Variants in RNASEH2B observed in about 807,000 individuals in gnomAD.
RNASEH2B encodes ribonuclease H2 subunit B, also known as Aicardi-Goutieres syndrome 2 protein.
Under a neutral mutation model 45.0 loss-of-function variants are expected in RNASEH2B, and 36 were observed. The ratio of observed to expected loss-of-function variants is 0.80; its 90% CI spans 0.61 to 1.06. The LOEUF is 1.06. Among genes scored for constraint, RNASEH2B ranks in the 50% least tolerant of loss-of-function variants. RNASEH2B has a pLI of 0.00. For missense variants in RNASEH2B, 361 were observed against 360.3 expected (o/e 1.00, Z -0.02); for synonymous variants, 119 against 125.7 (o/e 0.95, Z 0.35).
At chr13:50,910,162 G>T in intron 1 of RNASEH2B, 22 bp downstream of exon 1, 1 of 1,422,820 alleles carries the variant, frequency 7.0e-7, no homozygotes. Context: ...CGCCCGGGCG[G>T]CGGGGTCGGC....
At position 50,933,331 on chromosome 13, in the gene RNASEH2B, C is replaced by T. The variant is rs372468621; in HGVS notation, c.322-1554C>T. Among the ~76,000 whole-genome samples, 11 of 152,306 alleles carry T rather than the reference C, an allele frequency of 7.2e-5. No homozygotes were observed. In the South Asian group the frequency reaches 1.0e-3, roughly 14 times the overall value. On this transcript the variant is annotated intron_variant, in intron 4 of 10. Coordinates refer to ENST00000336617, the MANE Select transcript of RNASEH2B (RefSeq NM_024570.4). ...TCTGGGCACCTCCAGGGTGCTATGGCGAGCTCACGTTGACAAGTGCAGAAT... is the reference window on the plus strand; with the variant it reads ...TCTGGGCACCTCCAGGGTGCTATGGTGAGCTCACGTTGACAAGTGCAGAAT...
chr13:50,954,003 T>C lies in RNASEH2B; in HGVS notation c.822+18T>C. 1 of 1,507,426 alleles carries C rather than the reference T, an allele frequency of 6.6e-7. No individual in the cohort carries two copies. Among genetic ancestry groups the C allele is most frequent in the Non-Finnish European group, 9.2e-7 (1 of 1,083,220 alleles). The allele number at this position is 1,507,426 out of a possible 1,614,324, so 93.4% of individuals were successfully genotyped here. A position where few individuals can be genotyped will look rare whatever the true frequency, so the allele number is the denominator to read the frequency against. ...CTGAAAAGGTATGTGGGTTCAGGTG[T>C]AGTGGTGTTTCGTTCATACTCAGTG... On this transcript the variant is annotated intron_variant, in intron 10 of 10. Coordinates refer to ENST00000336617, the MANE Select transcript of RNASEH2B (RefSeq NM_024570.4).
At chr13:50,962,566 ATGTTGGTCATCTG>A (rs1443717100) in intron 9 of RNASEH2B, among the ~76,000 whole-genome samples, 2 of 152,062 alleles carry the variant, frequency 1.3e-5, no homozygotes, top group South Asian at 2.1e-4. Context: ...TTCATACCTG[ATGTTGGTCATCTG>A]TGTCTTCTTT....
chr13:50,966,843 T>G lies in RNASEH2B; in HGVS notation c.742-3089T>G, dbSNP rs139471114. ...CTGTTTTCTTACTAAATGTACAGTGTTGTTTATATTGTATGCAAACTTCTG... is the reference window on the plus strand; with the variant it reads ...CTGTTTTCTTACTAAATGTACAGTGGTGTTTATATTGTATGCAAACTTCTG... On this transcript the variant is annotated intron_variant, in intron 9 of 9. Transcript: ENST00000422660. Among the ~76,000 whole-genome samples, 1,046 of 152,346 alleles carry G rather than the reference T, an allele frequency of 6.9e-3. 14 individuals are homozygous for G. Among genetic ancestry groups the G allele is most frequent in the African/African-American group, 0.024 (988 of 41,586 alleles).
At chr13:50,913,623 G>A (rs1046796731) in intron 1 of RNASEH2B, among the ~76,000 whole-genome samples, 3 of 152,086 alleles carry the variant, frequency 2.0e-5, no homozygotes, top group African/African-American at 7.2e-5. Flanking sequence ...ACCTCAACTC[G>A]AATTTTCAGT....
downstream of RNASEH2B, chr13:50,959,957 G>A (rs1016463212): frequency 8.4e-5 from 28 of 331,442 alleles, no homozygotes; most frequent in African/African-American, 5.9e-4. Flanking sequence ...CTTACTTTGG[G>A]AAAACAAACA....
chr13:50,934,974 A>T lies in RNASEH2B; in HGVS notation c.411A>T (p.Leu137Phe). ...TGAAACTTCCTGGACTTGAGAAGTTACTTCATCATGTGACAGAGGAAAAAG... is the reference window on the plus strand; with the variant it reads ...TGAAACTTCCTGGACTTGAGAAGTTTCTTCATCATGTGACAGAGGAAAAAG... ...LLLKLPGLEK[L>F]LHHVTEEKGN... The change falls in exon 5 of 11, where the codon TTA (leucine) becomes TTT (phenylalanine). Residue 137 changes from leucine to phenylalanine, a missense_variant. Coordinates refer to ENST00000336617, the MANE Select transcript of RNASEH2B (RefSeq NM_024570.4). The T allele has an allele frequency of 6.2e-7, 1 of 1,612,692 alleles. No homozygotes were observed. The highest frequency in any genetic ancestry group is 8.5e-7 in the Non-Finnish European group (1 of 1,178,700).
At chr13:50,916,060 T>A in intron 1 of RNASEH2B, among the ~76,000 whole-genome samples, 1 of 151,398 alleles carries the variant, frequency 6.6e-6, no homozygotes, top group Admixed American at 6.6e-5. Flanking sequence ...AATAATAATA[T>A]TTACCCAGTA....
chr13:50,929,614 T>G (rs777020973), intron 3 of RNASEH2B, 32 bp downstream of exon 3: 28 of 1,319,194 alleles, frequency 2.1e-5, no homozygotes, highest in Admixed American at 8.5e-5. Context: ...TTCCAATAAC[T>G]AAACACATAC....
At chr13:50,933,488 C>T (rs1006726401) in intron 4 of RNASEH2B, among the ~76,000 whole-genome samples, 2 of 152,236 alleles carry the variant, frequency 1.3e-5, no homozygotes, top group African/African-American at 4.8e-5. Context: ...TCCTTCTCTA[C>T]ATTTTAGACA....
chr13:50,916,285 T>G (rs1180120954), intron 1 of RNASEH2B, among the ~76,000 whole-genome samples: 1 of 152,146 alleles, frequency 6.6e-6, no homozygotes, highest in East Asian at 1.9e-4. Flanking sequence ...AATGTAACAC[T>G]AAAACACTCA....
At chr13:50,930,551 T>C in intron 3 of RNASEH2B, 132 bp from the exon 4 acceptor site, 1 of 750,292 alleles carries the variant, frequency 1.3e-6, no homozygotes, top group Non-Finnish European at 2.4e-6. Context: ...CTGAGGCCTG[T>C]ATAAGAAGAG....
intron 9 of RNASEH2B, among the ~76,000 whole-genome samples, chr13:50,964,737 A>G (rs1476760310): frequency 6.6e-6 from 1 of 152,174 alleles, no homozygotes; most frequent in Non-Finnish European, 1.5e-5. Flanking sequence ...CGAGATCTTT[A>G]TCTACCTTTA....
intron 6 of RNASEH2B, among the ~76,000 whole-genome samples, chr13:50,944,503 G>A (rs1048533846): frequency 2.0e-5 from 3 of 152,148 alleles, no homozygotes; most frequent in Non-Finnish European, 2.9e-5. Flanking sequence ...TGTAATACAT[G>A]TGGGGCTTAA....
At chr13:50,930,910 G>A in intron 4 of RNASEH2B, 151 bp downstream of exon 4, 4 of 703,798 alleles carry the variant, frequency 5.7e-6, no homozygotes, top group Non-Finnish European at 7.8e-6. Context: ...ATGGGCCAGT[G>A]CAGGACAGAG....
chr13:50,947,862 A>C, intron 7 of RNASEH2B, 125 bp from the exon 8 acceptor site: 63 of 1,486,598 alleles, frequency 4.2e-5, no homozygotes, highest in Non-Finnish European at 5.1e-5. Context: ...AACTGAGGCT[A>C]GAGCTTAAGT....
At chr13:50,933,226 G>T (rs942495430) in intron 4 of RNASEH2B, among the ~76,000 whole-genome samples, 3 of 152,168 alleles carry the variant, frequency 2.0e-5, no homozygotes, top group Non-Finnish European at 4.4e-5. Context: ...TGCACTTAAG[G>T]CTCCCCCTCC....
chr13:50,967,561 C>G (rs1952178023), intron 9 of RNASEH2B, among the ~76,000 whole-genome samples: 1 of 152,204 alleles, frequency 6.6e-6, no homozygotes, highest in South Asian at 2.1e-4. Flanking sequence ...CAACATCACA[C>G]AGCTAATGAG....
intron 9 of RNASEH2B, chr13:50,950,252 TA>T (rs2138007691): frequency 6.6e-6 from 1 of 152,358 alleles, no homozygotes; most frequent in South Asian, 2.1e-4. Flanking sequence ...CTTGAGAATG[TA>T]AAATGGACAT....
Sources: gnomAD v4.1 joint callset for allele counts (sites outside exome capture counted in the v4.1 genomes callset) on GRCh38, gnomAD v4.1.1 for gene constraint, MANE v1.5 for transcripts, NCBI Gene and HGNC (gene_info 2026-07-23, HGNC 2026-07-21) for gene names.